The following MAPK13 variants were observed in gnomAD, a reference collection of about 807,000 sequenced individuals.
MAPK13 encodes the protein mitogen-activated protein kinase 13, also known as MAP kinase 13.
MAPK13 carries 39 observed loss-of-function variants against 53.5 expected under a neutral mutation model. The observed-to-expected ratio is 0.73, with a 90% CI of 0.56 to 0.95. MAPK13 has a LOEUF of 0.95. Ranked by LOEUF, MAPK13 falls within the 40% of genes least tolerant of loss-of-function variation. MAPK13 has a pLI of 0.00. For missense variants in MAPK13, 460 were observed against 471.8 expected, an observed-to-expected ratio of 0.98 and a Z score of 0.23; for synonymous variants, 179 against 190.9, an observed-to-expected ratio of 0.94 and a Z score of 0.51.
chr6:36,137,038 A>G (rs908468901), intron 8 of MAPK13, 88 bp downstream of exon 8: 17 of 1,142,840 alleles, frequency 1.5e-5, no homozygotes, highest in Admixed American at 1.3e-4. Flanking sequence ...TTTTTTCTTA[A>G]TGTGAGAGTG....
rs1419525852 is a variant in MAPK13, at chr6:36,135,743, T to C, written c.309-10T>C. ...CCGGCACTGTTCCAAGAACCCCTCATGCCTTCCAGCTACCTGGTGATGCCC... is the reference window on the plus strand; with the variant it reads ...CCGGCACTGTTCCAAGAACCCCTCACGCCTTCCAGCTACCTGGTGATGCCC... On this transcript the variant is annotated splice_polypyrimidine_tract_variant and intron_variant, in intron 3 of 11. Coordinates refer to ENST00000211287, the MANE Select transcript of MAPK13 (RefSeq NM_002754.5). The C allele has an allele frequency of 1.2e-6, 2 of 1,604,640 alleles. No individual in the cohort carries two copies. Among genetic ancestry groups the C allele is most frequent in the South Asian group, 2.2e-5 (2 of 90,216 alleles).
intron 8 of MAPK13, among the ~76,000 whole-genome samples, chr6:36,137,187 T>C (rs556674581): frequency 2.6e-5 from 4 of 151,900 alleles, no homozygotes; most frequent in East Asian, 1.9e-4. Flanking sequence ...TGTGGCAACA[T>C]AGGGAGACCC....
In MAPK13 at chr6:36,144,278, T is replaced by C. The variant is rs765147926; in HGVS notation, c.*4905T>C. The C allele has an allele frequency of 1.3e-5, 2 of 152,242 alleles. No individual in the cohort carries two copies. Among genetic ancestry groups the C allele is most frequent in the Non-Finnish European group, 2.9e-5 (2 of 68,044 alleles). The allele number at this position is 152,242 out of a possible 1,614,324, so 9.4% of individuals were successfully genotyped here. A position where few individuals can be genotyped will look rare whatever the true frequency, so the allele number is the denominator to read the frequency against. ...TTTTAAAATGTATAACGTGATACTA[T>C]GTGTATAGGTTTCTTTATTAACATA... On this transcript the variant is annotated 3_prime_UTR_variant, in exon 12 of 12. Transcript: ENST00000211287.
rs191911117 is a variant in MAPK13 at position 36,136,359 on chromosome 6, C to T, written c.448-125C>T. On this transcript the variant is annotated intron_variant, in intron 5 of 11. Coordinates refer to ENST00000211287, the MANE Select transcript of MAPK13 (RefSeq NM_002754.5). ...CACCTAGTCCAACCCTCATTTTACACATGAAGAAACTGAGGCCCAGAAGGG... is the reference window on the plus strand; with the variant it reads ...CACCTAGTCCAACCCTCATTTTACATATGAAGAAACTGAGGCCCAGAAGGG... The T allele has an allele frequency of 2.2e-4, 171 of 784,816 alleles. No homozygotes were observed. The African/African-American group carries it at 2.8e-3, about 13-fold the overall frequency. The allele number at this position is 784,816 out of a possible 1,614,324, so 48.6% of individuals were successfully genotyped here.
At chr6:36,134,731 A>T (rs974664420) in intron 3 of MAPK13, among the ~76,000 whole-genome samples, 1 of 150,932 alleles carries the variant, frequency 6.6e-6, no homozygotes, top group Non-Finnish European at 1.5e-5. Flanking sequence ...GGTGGGGTCC[A>T]GGCCGGGCAT....
chr6:36,138,618 C>T, intron 9 of MAPK13, 84 bp from the exon 10 acceptor site: 1 of 1,413,876 alleles, frequency 7.1e-7, no homozygotes, highest in Non-Finnish European at 1.0e-6. Flanking sequence ...GAACTTTCAG[C>T]CCTGCTCTGA....
chr6:36,132,315 G>C (rs959484133), intron 2 of MAPK13, among the ~76,000 whole-genome samples: 6 of 152,212 alleles, frequency 3.9e-5, no homozygotes, highest in African/African-American at 1.4e-4. Context: ...TAGGTGAGTT[G>C]AGAGTGGGTT....
chr6:36,131,366 AGCT>A lies in MAPK13; in HGVS notation c.226_228del (p.Leu76del). ...ATCTTCGCCAAGCGCGCCTACCGGG[AGCT>A]GCTGCTGCTGAAGCACATGCAGCAT... On this transcript the variant is annotated inframe_deletion, in exon 2 of 12. Coordinates refer to ENST00000211287, the MANE Select transcript of MAPK13 (RefSeq NM_002754.5). The A allele has an allele frequency of 6.2e-7, 1 of 1,613,550 alleles. No individual in the cohort carries two copies. Among genetic ancestry groups the A allele is most frequent in the Non-Finnish European group, 8.5e-7 (1 of 1,179,820 alleles).
chr6:36,136,125 G>A (rs1180174002), intron 5 of MAPK13, 77 bp downstream of exon 5: 1 of 1,573,054 alleles, frequency 6.4e-7, no homozygotes, highest in African/African-American at 1.4e-5. Context: ...CAATCAAGGA[G>A]TGGGAAAGTT....
chr6:36,131,828 A>T (rs1766329601), intron 2 of MAPK13, among the ~76,000 whole-genome samples: 1 of 152,216 alleles, frequency 6.6e-6, no homozygotes, highest in Non-Finnish European at 1.5e-5. Flanking sequence ...TCCTCATGAT[A>T]TATGAGTACT....
Position 36,136,669 on chromosome 6 carries a change from G to A in MAPK13, c.509G>A (p.Gly170Glu). 1 of 1,613,870 alleles carries A rather than the reference G, an allele frequency of 6.2e-7. No individual in the cohort carries two copies. Among genetic ancestry groups the A allele is most frequent in the Non-Finnish European group, 8.5e-7 (1 of 1,179,888 alleles). ...CCTGTGCCATAGATTCTGGATTTTG[G>A]GCTGGCGCGACATGCAGACGCCGAG... Reference protein sequence around the residue: ...EDCELKILDFGLARHADAEMT... With the variant: ...EDCELKILDFELARHADAEMT... Residue 170 changes from glycine (G) to glutamate (E), a missense_variant, in exon 7 of 12, where the codon GGG becomes GAG. Physicochemically the swap from Gly to Glu is moderately conservative, Grantham distance 98. Transcript: ENST00000211287.
In MAPK13 at chr6:36,135,643, C is replaced by T. The variant is rs555106280; in HGVS notation, c.309-110C>T. The T allele has an allele frequency of 1.6e-4, 113 of 695,234 alleles. No homozygotes were observed. In the African/African-American group the frequency reaches 1.8e-3, roughly 11 times the overall value. 43.1% of individuals were successfully genotyped at this position (695,234 alleles called of 1,614,324 possible). A position where few individuals can be genotyped will look rare whatever the true frequency, so the allele number is the denominator to read the frequency against. On this transcript the variant is annotated intron_variant, in intron 3 of 11. Transcript: ENST00000211287. The stretch of plus-strand genomic sequence containing the variant: ...TGAGGTGGAGTTGAGTTTTTGCACA[C>T]TGGAGGGTGTCTCTATGACCCCTGT...
chr6:36,136,430 G>T lies in MAPK13; in HGVS notation c.448-54G>T, dbSNP rs1167094503. Reference sequence around the variant, plus strand: ...ACACCCCTGGGTGGTGGTGGAGCTAGGACAAGCTCCATCTCTGCCTCAGCC... The same window carrying T: ...ACACCCCTGGGTGGTGGTGGAGCTATGACAAGCTCCATCTCTGCCTCAGCC... On this transcript the variant is annotated intron_variant, in intron 5 of 11. Coordinates refer to ENST00000211287, the MANE Select transcript of MAPK13 (RefSeq NM_002754.5). 4.0e-6 allele frequency: 6 copies of T among 1,482,136 alleles called. No homozygotes were observed. The Admixed American group carries it at 6.6e-5, about 16-fold the overall frequency. 91.8% of individuals were successfully genotyped at this position (1,482,136 alleles called of 1,614,324 possible).
At chr6:36,134,518 A>T (rs1196487588) in intron 3 of MAPK13, among the ~76,000 whole-genome samples, 3 of 152,042 alleles carry the variant, frequency 2.0e-5, no homozygotes, top group Non-Finnish European at 4.4e-5. Flanking sequence ...TCAGCCCCCC[A>T]AGTAGGTGGG....
intron 2 of MAPK13, 48 bp downstream of exon 2, chr6:36,131,448 T>TCAGGGG: frequency 6.4e-7 from 1 of 1,568,202 alleles, no homozygotes. Context: ...CCCTGGGGAG[T>TCAGGGG]CAGGGGCAGG....
chr6:36,135,557 G>A (rs1766399508), intron 3 of MAPK13, among the ~76,000 whole-genome samples, 196 bp from the exon 4 acceptor site: 2 of 152,220 alleles, frequency 1.3e-5, no homozygotes, highest in Admixed American at 6.5e-5. Flanking sequence ...CCAGCTGGGC[G>A]GCCCGCCACA....
intron 3 of MAPK13, among the ~76,000 whole-genome samples, chr6:36,134,993 C>T (rs372598968): frequency 1.1e-4 from 16 of 151,966 alleles, no homozygotes; most frequent in South Asian, 2.1e-4. Flanking sequence ...CTAGCCTGGG[C>T]GACAGAGCAA....
At chr6:36,139,133 C>A in intron 11 of MAPK13, 78 bp downstream of exon 11, 1 of 1,477,570 alleles carries the variant, frequency 6.8e-7, no homozygotes, top group Non-Finnish European at 9.1e-7. Context: ...TGTGCCTGGC[C>A]TCTGCCAGCC....
intron 5 of MAPK13, 134 bp downstream of exon 5, chr6:36,136,182 AC>A: frequency 1.8e-6 from 2 of 1,093,754 alleles, no homozygotes; most frequent in Non-Finnish European, 2.7e-6. Flanking sequence ...GAGTTTTCAC[AC>A]CCAGCCACGG....
Sources: allele counts gnomAD v4.1 joint callset (sites outside exome capture counted in the v4.1 genomes callset), GRCh38; gene constraint gnomAD v4.1.1; transcripts MANE v1.5; gene names NCBI Gene and HGNC (gene_info 2026-07-23, HGNC 2026-07-21).